SUPT3H: variants seen among roughly 807,000 people sequenced by gnomAD.
SUPT3H encodes SPT3 homolog, SAGA and STAGA complex component, also known as transcription initiation protein SPT3 homolog.
A neutral mutation model predicts 44.3 loss-of-function variants in SUPT3H; 44 were observed. The observed-to-expected ratio is 0.99, with a 90% CI of 0.78 to 1.28. The LOEUF is 1.28. Ranked by LOEUF, SUPT3H falls within the 50% of genes most tolerant of loss-of-function variation. The pLI, the probability that SUPT3H is intolerant of heterozygous loss-of-function variation, is 0.00. For missense variants in SUPT3H, 380 were observed against 387.1 expected, an observed-to-expected ratio of 0.98 and a Z score of 0.15; for synonymous variants, 124 against 125.6, an observed-to-expected ratio of 0.99 and a Z score of 0.09.
intron 2 of SUPT3H, among the ~76,000 whole-genome samples, chr6:45,278,925 A>G (rs1418810791): frequency 6.6e-6 from 1 of 152,222 alleles, no homozygotes; most frequent in Non-Finnish European, 1.5e-5. Context: ...TTTAATTGAT[A>G]GAGTAGATAC....
At chr6:45,079,999 AAAGT>A (rs1328119717) in intron 3 of SUPT3H, among the ~76,000 whole-genome samples, 15 of 152,218 alleles carry the variant, frequency 9.9e-5, no homozygotes, top group Admixed American at 9.8e-4. Flanking sequence ...AACAATCAAC[AAAGT>A]AAGAGACAAC....
chr6:44,985,644 A>G (rs541217207), intron 6 of SUPT3H, among the ~76,000 whole-genome samples: 1 of 152,284 alleles, frequency 6.6e-6, no homozygotes, highest in East Asian at 1.9e-4. Context: ...TACAAGTACC[A>G]GTATTACGCA....
chr6:45,270,336 TC>T (rs1775919765), intron 2 of SUPT3H, among the ~76,000 whole-genome samples: 1 of 152,076 alleles, frequency 6.6e-6, no homozygotes, highest in South Asian at 2.1e-4. Flanking sequence ...TTTGGCTGTG[TC>T]CCCACCTAAG....
At chr6:44,811,823 T>C (rs746550857) in intron 11 of SUPT3H, among the ~76,000 whole-genome samples, 6 of 152,316 alleles carry the variant, frequency 3.9e-5, no homozygotes, top group Non-Finnish European at 7.4e-5. Context: ...CTTTTGGCAC[T>C]TGGTTGTTCT....
chr6:44,945,020 CATATACGTGT>C lies in SUPT3H; in HGVS notation c.801+8280_801+8289del, dbSNP rs973316077. On this transcript the variant is annotated intron_variant, in intron 9 of 10. Transcript: ENST00000371459. ...CTTATCAGTGCCATTTTTCCAAAAG[CATATACGTGT>C]CCAACTTTATGTCTCTGTGTCATAT... Among the ~76,000 whole-genome samples the C allele has an allele frequency of 1.4e-4, 22 of 152,044 alleles. No individual in the cohort carries two copies. The East Asian group carries it at 3.1e-3, about 21-fold the overall frequency.
chr6:44,869,795 A>G (rs3799978), intron 10 of SUPT3H, among the ~76,000 whole-genome samples: 48,702 of 152,056 alleles, frequency 0.32, 9,555 homozygotes, highest in East Asian at 0.57. Context: ...AAGAATAGCT[A>G]TTCATTTATT....
intron 2 of SUPT3H, among the ~76,000 whole-genome samples, chr6:45,210,360 T>C (rs1763893690): frequency 6.6e-6 from 1 of 152,224 alleles, no homozygotes; most frequent in Admixed American, 6.5e-5. Flanking sequence ...GATTGCTTTC[T>C]CTGCCCTATT....
chr6:44,982,944 G>A (rs1343505238), intron 6 of SUPT3H, among the ~76,000 whole-genome samples: 2 of 152,144 alleles, frequency 1.3e-5, no homozygotes, highest in Non-Finnish European at 2.9e-5. Context: ...ATGTTCTAAA[G>A]AACTTTGCAA....
At chr6:45,054,581 A>G (rs1790821126) in intron 3 of SUPT3H, among the ~76,000 whole-genome samples, 1 of 152,178 alleles carries the variant, frequency 6.6e-6, no homozygotes, top group Admixed American at 6.5e-5. Flanking sequence ...TTTAATACAA[A>G]TATCTCAGCC....
intron 6 of SUPT3H, among the ~76,000 whole-genome samples, chr6:44,996,137 C>T (rs1461306336): frequency 6.6e-6 from 1 of 151,704 alleles, no homozygotes; most frequent in Non-Finnish European, 1.5e-5. Flanking sequence ...TATATTAATG[C>T]TTCTAATGCT....
At chr6:45,319,508 T>A (rs758969272) in intron 2 of SUPT3H, among the ~76,000 whole-genome samples, 1 of 152,160 alleles carries the variant, frequency 6.6e-6, no homozygotes, top group Non-Finnish European at 1.5e-5. Flanking sequence ...TATAAAACCT[T>A]AAGTGTTAAC....
chr6:45,276,423 T>G (rs1485941240), intron 2 of SUPT3H, among the ~76,000 whole-genome samples: 1 of 152,098 alleles, frequency 6.6e-6, no homozygotes, highest in Non-Finnish European at 1.5e-5. Flanking sequence ...ATAGTTATTG[T>G]TCATTTGCTT....
At chr6:44,978,673 T>C (rs968432422) in intron 6 of SUPT3H, among the ~76,000 whole-genome samples, 1 of 152,164 alleles carries the variant, frequency 6.6e-6, no homozygotes, top group Admixed American at 6.5e-5. Flanking sequence ...GGGAAGGTCA[T>C]CCTTCCTTTC....
chr6:45,306,039 C>T (rs778175766), intron 2 of SUPT3H, among the ~76,000 whole-genome samples: 4 of 152,374 alleles, frequency 2.6e-5, no homozygotes, highest in Non-Finnish European at 5.9e-5. Context: ...AGCCTCCAGG[C>T]ATCACATACT....
chr6:45,374,479 C>T (rs1172094424), intron 1 of SUPT3H, among the ~76,000 whole-genome samples: 6 of 152,134 alleles, frequency 3.9e-5, no homozygotes, highest in South Asian at 2.1e-4. Context: ...AGCAGCAGAG[C>T]GAGAACTCAA....
At chr6:45,166,278 T>C (rs775487126) in intron 2 of SUPT3H, among the ~76,000 whole-genome samples, 30 of 151,898 alleles carry the variant, frequency 2.0e-4, no homozygotes, top group Non-Finnish European at 4.0e-4. Flanking sequence ...GGTGACATAG[T>C]GAGACTCTGT....
At chr6:45,281,282 G>A (rs1391199989) in intron 2 of SUPT3H, among the ~76,000 whole-genome samples, 1 of 152,220 alleles carries the variant, frequency 6.6e-6, no homozygotes, top group African/African-American at 2.4e-5. Flanking sequence ...ATAAATCGAA[G>A]TAGGGCAAGG....
chr6:45,292,117 G>A (rs551221895), intron 2 of SUPT3H, among the ~76,000 whole-genome samples: 3 of 152,270 alleles, frequency 2.0e-5, no homozygotes, highest in Admixed American at 6.5e-5. Flanking sequence ...AAGCTAGGAG[G>A]GATTGGGGCC....
chr6:44,999,550 T>C (rs1781738095), intron 6 of SUPT3H, among the ~76,000 whole-genome samples: 1 of 152,096 alleles, frequency 6.6e-6, no homozygotes, highest in African/African-American at 2.4e-5. Context: ...CTCTTCTCTC[T>C]TCCCTGAAGA....
Sources: gnomAD v4.1 joint callset for allele counts (sites outside exome capture counted in the v4.1 genomes callset) on GRCh38, gnomAD v4.1.1 for gene constraint, MANE v1.5 for transcripts, NCBI Gene and HGNC (gene_info 2026-07-23, HGNC 2026-07-21) for gene names.